Variants in CPNE4 observed in about 807,000 individuals in gnomAD.
CPNE4 encodes the protein copine-4.
In CPNE4, 25 loss-of-function variants were observed where a neutral mutation model predicts 67.9. The ratio of observed to expected loss-of-function variants is 0.37; its 90% CI spans 0.27 to 0.51. CPNE4 has a LOEUF of 0.51. Among genes scored for constraint, CPNE4 ranks in the 20% least tolerant of loss-of-function variants. CPNE4 has a pLI of 0.93. For missense variants in CPNE4, 464 were observed against 690.8 expected, an observed-to-expected ratio of 0.67 and a Z score of 3.68; for synonymous variants, 242 against 244.9, an observed-to-expected ratio of 0.99 and a Z score of 0.11.
intron 1 of CPNE4, among the ~76,000 whole-genome samples, chr3:131,930,214 G>A (rs1464780739): frequency 2.6e-5 from 4 of 152,102 alleles, no homozygotes; most frequent in East Asian, 3.9e-4. Flanking sequence ...ATGGCACACC[G>A]AAATTAGGAT....
intron 3 of CPNE4, among the ~76,000 whole-genome samples, chr3:131,715,335 CA>C (rs1217106160): frequency 1.3e-5 from 2 of 152,164 alleles, no homozygotes; most frequent in Non-Finnish European, 2.9e-5. Flanking sequence ...CTGTGTAAGA[CA>C]AATAAACTTA....
Position 131,737,533 on chromosome 3 carries a change from C to T in CPNE4, c.181-13908G>A, listed in dbSNP as rs368735810. Among the ~76,000 whole-genome samples the T allele has an allele frequency of 3.1e-4, 47 of 152,234 alleles. 1 individual carries two copies. The South Asian group carries it at 9.3e-3, about 30-fold the overall frequency. ...CCCATCACACTATCATCACTGTCAGCATCATTAAAATGATCAAGTGATTGA... is the reference window on the plus strand; with the variant it reads ...CCCATCACACTATCATCACTGTCAGTATCATTAAAATGATCAAGTGATTGA... On this transcript the variant is annotated intron_variant, in intron 2 of 15. Transcript: ENST00000429747.
chr3:131,761,619 G>A (rs1380644250), intron 2 of CPNE4, among the ~76,000 whole-genome samples: 1 of 151,976 alleles, frequency 6.6e-6, no homozygotes. Context: ...TCATTACATG[G>A]TTTAGGTCAA....
At chr3:131,912,505 A>C (rs2089016522) in intron 1 of CPNE4, among the ~76,000 whole-genome samples, 1 of 152,104 alleles carries the variant, frequency 6.6e-6, no homozygotes, top group Non-Finnish European at 1.5e-5. Flanking sequence ...CATTTCCATC[A>C]CAATTCAAGA....
At chr3:131,831,016 A>T (rs1220304101) in intron 2 of CPNE4, among the ~76,000 whole-genome samples, 2 of 152,056 alleles carry the variant, frequency 1.3e-5, no homozygotes, top group African/African-American at 4.8e-5. Flanking sequence ...CAATTTTTGA[A>T]TTTTACCTGT....
At chr3:131,860,849 G>C (rs557784593) in intron 2 of CPNE4, among the ~76,000 whole-genome samples, 146 of 152,306 alleles carry the variant, frequency 9.6e-4, no homozygotes, top group African/African-American at 3.0e-3. Context: ...AGTTGAGTTT[G>C]GCTTTGCATA....
intron 7 of CPNE4, among the ~76,000 whole-genome samples, chr3:131,666,387 A>G (rs570391209): frequency 6.6e-6 from 1 of 152,302 alleles, no homozygotes; most frequent in East Asian, 1.9e-4. Flanking sequence ...TGATTTTGAG[A>G]GACATTAAAA....
At chr3:131,580,492 GCA>G (rs368187186) in intron 9 of CPNE4, among the ~76,000 whole-genome samples, 1 of 144,024 alleles carries the variant, frequency 6.9e-6, no homozygotes, top group Non-Finnish European at 1.5e-5. Flanking sequence ...ACACACACAC[GCA>G]CACACACACA....
At chr3:132,004,396 G>A (rs534276274) in intron 1 of CPNE4, among the ~76,000 whole-genome samples, 6 of 152,050 alleles carry the variant, frequency 3.9e-5, no homozygotes, top group Non-Finnish European at 7.4e-5. Context: ...ATGCATGTAT[G>A]TCTGCATATG....
intron 10 of CPNE4, among the ~76,000 whole-genome samples, chr3:131,569,663 CA>C (rs1013001029): frequency 2.2e-3 from 200 of 91,122 alleles, no homozygotes; most frequent in Middle Eastern, 0.016. Context: ...CAAAAAAAAA[CA>C]AAAAAAAAAA....
chr3:132,000,543 C>A (rs987041095), intron 1 of CPNE4, among the ~76,000 whole-genome samples: 1 of 150,806 alleles, frequency 6.6e-6, no homozygotes, highest in Non-Finnish European at 1.5e-5. Context: ...TACTAGTAAA[C>A]GTTAAGGACA....
chr3:131,839,200 T>G (rs980686502), intron 2 of CPNE4, among the ~76,000 whole-genome samples: 8 of 151,900 alleles, frequency 5.3e-5, no homozygotes, highest in Non-Finnish European at 4.4e-5. Context: ...GATGAAAGAT[T>G]TTTTGAAAGA....
At chr3:131,717,874 T>C (rs56714496) in intron 3 of CPNE4, among the ~76,000 whole-genome samples, 53,338 of 95,784 alleles carry the variant, frequency 0.56, 14,843 homozygotes, top group Non-Finnish European at 0.63. Flanking sequence ...TCTTTCTTTC[T>C]TTTCTTTCTT....
rs527724700 is a variant in CPNE4 at position 131,952,400 on chromosome 3, C to T, written c.-1-46956G>A. On this transcript the variant is annotated intron_variant, in intron 1 of 15. Coordinates refer to ENST00000429747, the MANE Select transcript of CPNE4 (RefSeq NM_130808.3). ...CCGTCTGAGAAGTGAGGAGCCTCTC[C>T]GCCCGGCAGCCACCCCATCTGGGAA... 7.5e-5 allele frequency among the ~76,000 whole-genome samples: 11 copies of T among 147,508 alleles called. No individual in the cohort carries two copies. In the South Asian group the frequency reaches 2.0e-3, roughly 26 times the overall value.
chr3:131,550,052 C>T lies in CPNE4; in HGVS notation c.1197G>A (p.Gln399=), dbSNP rs755061994. 3.0e-5 allele frequency: 48 copies of T among 1,612,980 alleles called. No individual in the cohort carries two copies. In the Admixed American group the frequency reaches 8.0e-4, roughly 27 times the overall value. The change falls in exon 14 of 16, where the codon CAG becomes CAA. Residue 399 remains glutamine (Q), a synonymous_variant. Transcript: ENST00000429747. ...AGAGTTGGAGCTTAGGAAGACAGCT[C>T]TGATAGGCTTCCACAACTCCTTGAA... ...AGIQGVVEAY[Q]SCLPKLQLYG...
intron 2 of CPNE4, among the ~76,000 whole-genome samples, chr3:131,876,641 C>CAAA (rs61625119): frequency 5.5e-4 from 56 of 101,606 alleles, no homozygotes; most frequent in South Asian, 5.2e-3. Context: ...GACTCCGTCT[C>CAAA]AAAAAAAAAA....
chr3:131,818,152 G>T lies in CPNE4; in HGVS notation c.180+87112C>A, dbSNP rs140904090. Among the ~76,000 whole-genome samples, 254 of 152,016 alleles carry T rather than the reference G, an allele frequency of 1.7e-3. 1 individual carries two copies. The highest frequency in any genetic ancestry group is 5.4e-3 in the African/African-American group (224 of 41,470). On this transcript the variant is annotated intron_variant, in intron 2 of 15. Coordinates refer to ENST00000429747, the MANE Select transcript of CPNE4 (RefSeq NM_130808.3). ...CCTTACTGTCAGTGTCAAGAAATTG[G>T]TTTTTTTTGGGAAAACACAAAACTG...
rs367559624 is a variant in CPNE4 at position 131,691,014 on chromosome 3, G to A, written c.508-5056C>T. ...CAAAACCACAATGAGATACCATCTC[G>A]CACCAGTCAGAATACCTATTACTAA... On this transcript the variant is annotated intron_variant, in intron 5 of 15. Transcript: ENST00000429747. Among the ~76,000 whole-genome samples the A allele has an allele frequency of 3.3e-3, 505 of 152,074 alleles. 4 individuals carry two copies. Among genetic ancestry groups the A allele is most frequent in the African/African-American group, 0.011 (466 of 41,522 alleles).
At chr3:131,889,779 T>A (rs949362858) in intron 2 of CPNE4, among the ~76,000 whole-genome samples, 7 of 152,176 alleles carry the variant, frequency 4.6e-5, no homozygotes, top group African/African-American at 1.7e-4. Flanking sequence ...CCTTTAAGTG[T>A]ATGTGTTGTC....
Sources: allele counts gnomAD v4.1 joint callset (sites outside exome capture counted in the v4.1 genomes callset), GRCh38; gene constraint gnomAD v4.1.1; transcripts MANE v1.5; gene names NCBI Gene and HGNC (gene_info 2026-07-23, HGNC 2026-07-21).